Variants in SI observed in about 807,000 individuals in gnomAD.
The protein encoded by SI is sucrase-isomaltase, also known as sucrase-isomaltase, intestinal.
In SI, 235 loss-of-function variants were observed where a neutral mutation model predicts 253.3. The observed-to-expected ratio is 0.93, with a 90% CI of 0.83 to 1.03. SI has a LOEUF of 1.03. Ranked by LOEUF, SI falls within the 50% of genes least tolerant of loss-of-function variation. The pLI, the probability that SI is intolerant of heterozygous loss-of-function variation, is 0.00. For missense variants in SI, 2,442 were observed against 2,211.1 expected, an observed-to-expected ratio of 1.10 and a Z score of -2.09; for synonymous variants, 819 against 712.0, an observed-to-expected ratio of 1.15 and a Z score of -2.39.
chr3:165,069,085 T>C lies in SI; in HGVS notation c.366A>G (p.Thr122=). The stretch of plus-strand genomic sequence containing the variant: ...TAACAGAGGACTTCTTACCAATACT[T>C]GTTGTTGTCATGTCTTGAACGTTAT... ...HGYNVQDMTT[T]SIGVEAKLNR... The change falls in exon 4 of 48, where the codon ACA becomes ACG. Residue 122 remains threonine (T), a synonymous_variant. Coordinates refer to ENST00000264382, the MANE Select transcript of SI (RefSeq NM_001041.4). 6.2e-7 allele frequency: 1 copy of C among 1,601,582 alleles called. No individual in the cohort carries two copies.
chr3:165,067,498 A>C lies in SI; in HGVS notation c.484-7T>G. ...TATTATTTGGATCAGTAATCTGGAA[A>C]GATTTAAGCAAGGTAGCATTACTGG... On this transcript the variant is annotated splice_region_variant and splice_polypyrimidine_tract_variant and intron_variant, in intron 5 of 47. Transcript: ENST00000264382. 6.2e-7 allele frequency: 1 copy of C among 1,603,466 alleles called. No homozygotes were observed. The highest frequency in any genetic ancestry group is 8.5e-7 in the Non-Finnish European group (1 of 1,170,856).
At chr3:165,062,510 A>G in intron 8 of SI, 27 bp from the exon 9 acceptor site, 1 of 1,128,822 alleles carries the variant, frequency 8.9e-7, no homozygotes, top group Non-Finnish European at 1.4e-6. Context: ...GTAAACTTAT[A>G]TGTAAATAGT....
chr3:165,032,069 A>G (rs1712274592), intron 24 of SI, among the ~76,000 whole-genome samples: 1 of 151,298 alleles, frequency 6.6e-6, no homozygotes, highest in Non-Finnish European at 1.5e-5. Flanking sequence ...AGAAAAGTAC[A>G]AGATATATTT....
In SI at chr3:164,987,121, C is replaced by G. The variant is rs368901823; in HGVS notation, c.5197+17G>C. The G allele has an allele frequency of 1.3e-6, 2 of 1,581,322 alleles. No homozygotes were observed. The highest frequency in any genetic ancestry group is 4.5e-5 in the East Asian group (2 of 44,614). On this transcript the variant is annotated intron_variant, in intron 45 of 47. Coordinates refer to ENST00000264382, the MANE Select transcript of SI (RefSeq NM_001041.4). ...ATACGACATCAATTAAATTTATCTACTAAATCGAGCACTCACCTATACTCT... is the reference window on the plus strand; with the variant it reads ...ATACGACATCAATTAAATTTATCTAGTAAATCGAGCACTCACCTATACTCT...
At chr3:165,010,587 C>T (rs1042809201) in intron 34 of SI, among the ~76,000 whole-genome samples, 1 of 152,100 alleles carries the variant, frequency 6.6e-6, no homozygotes, top group Non-Finnish European at 1.5e-5. Context: ...AAGGATCTCC[C>T]GTATGATAAT....
chr3:165,068,648 C>G (rs796817872), intron 5 of SI, 74 bp downstream of exon 5: 6 of 1,039,544 alleles, frequency 5.8e-6, no homozygotes, highest in South Asian at 3.8e-5. Flanking sequence ...GCTGGTATTA[C>G]AGGCGTGAGC....
At chr3:165,050,575 C>T (rs995218703) in intron 13 of SI, among the ~76,000 whole-genome samples, 1 of 151,998 alleles carries the variant, frequency 6.6e-6, no homozygotes, top group South Asian at 2.1e-4. Flanking sequence ...AGTCTTTGCA[C>T]TAAAAAAGAT....
intron 28 of SI, 85 bp from the exon 29 acceptor site, chr3:165,018,151 A>C: frequency 2.4e-6 from 2 of 816,540 alleles, no homozygotes; most frequent in Admixed American, 3.8e-5. Flanking sequence ...TTTATTATAC[A>C]ATCGAGACTT....
chr3:165,037,409 A>G (rs1042916314), intron 21 of SI, among the ~76,000 whole-genome samples: 2 of 151,860 alleles, frequency 1.3e-5, no homozygotes, highest in African/African-American at 4.8e-5. Flanking sequence ...TTATTTTTAG[A>G]AAATATTTCT....
upstream of SI, among the ~76,000 whole-genome samples, chr3:165,080,031 T>A (rs557250640): frequency 6.6e-6 from 1 of 152,132 alleles, no homozygotes; most frequent in African/African-American, 2.4e-5. Flanking sequence ...TATACCAATT[T>A]GTATAACAGC....
At chr3:165,008,021 AG>A (rs1453493526) in intron 35 of SI, 23 bp from the exon 36 acceptor site, 2 of 1,250,816 alleles carry the variant, frequency 1.6e-6, no homozygotes, top group Non-Finnish European at 2.3e-6. Context: ...TGAAAGAAAA[AG>A]GTAAACAAAA....
intron 36 of SI, 97 bp from the exon 37 acceptor site, chr3:165,007,051 T>C (rs1718546593): frequency 1.1e-6 from 1 of 916,652 alleles, no homozygotes; most frequent in South Asian, 1.6e-5. Flanking sequence ...AAGAAATTAA[T>C]CAGTGTTTTA....
intron 45 of SI, 66 bp downstream of exon 45, chr3:164,987,072 A>G (rs899863230): frequency 1.9e-5 from 23 of 1,213,584 alleles, no homozygotes; most frequent in Non-Finnish European, 2.6e-5. Flanking sequence ...ACAATAATAG[A>G]TAACGTAAAA....
intron 41 of SI, 35 bp from the exon 42 acceptor site, chr3:164,992,432 C>G: frequency 7.3e-7 from 1 of 1,368,186 alleles, no homozygotes; most frequent in Non-Finnish European, 1.0e-6. Flanking sequence ...TAAATTAAAA[C>G]AAATAACTTT....
chr3:165,046,827 T>G lies in SI; in HGVS notation c.1887+14A>C. On this transcript the variant is annotated intron_variant, in intron 16 of 47. Coordinates refer to ENST00000264382, the MANE Select transcript of SI (RefSeq NM_001041.4). The stretch of plus-strand genomic sequence containing the variant: ...TGTAGCTTTTATGAGTAACACTCTA[T>G]GAAACTGTCTTACCAAAGGTATTCC... The G allele has an allele frequency of 6.2e-7, 1 of 1,601,924 alleles. No homozygotes were observed. Among genetic ancestry groups the G allele is most frequent in the South Asian group, 1.1e-5 (1 of 90,700 alleles).
chr3:165,067,638 A>G (rs1430239310), intron 5 of SI, 147 bp from the exon 6 acceptor site: 5 of 666,786 alleles, frequency 7.5e-6, no homozygotes, highest in African/African-American at 1.8e-5. Flanking sequence ...CTTAATTTTA[A>G]TATTTTTGAA....
chr3:165,045,848 A>AT (rs74590097), intron 16 of SI, among the ~76,000 whole-genome samples: 8,904 of 120,548 alleles, frequency 0.074, 437 homozygotes, highest in South Asian at 0.11. Flanking sequence ...ATGTTTTTCA[A>AT]TTTTTTTTTT....
rs1199409025 is a variant in SI, at chr3:165,016,060, A to G, written c.3780T>C (p.Ile1260=). The G allele has an allele frequency of 6.2e-7, 1 of 1,612,978 alleles. No individual in the cohort carries two copies. The highest frequency in any genetic ancestry group is 1.3e-5 in the African/African-American group (1 of 74,860). The change falls in exon 32 of 48, where the codon ATT becomes ATC. Residue 1260 remains isoleucine, a synonymous_variant. Transcript: ENST00000264382. Reference sequence around the variant, plus strand: ...AGTCTAGCTGCCTTTCCATGTAGTCAATGTCTGTGTACTGAACATCCTGAA... The same window carrying G: ...AGTCTAGCTGCCTTTCCATGTAGTCGATGTCTGTGTACTGAACATCCTGAA... ...NIPYDVQYTD[I]DYMERQLDFT... is the part of the protein sequence containing the mutation.
At chr3:165,051,845 A>G (rs1713450347) in intron 13 of SI, among the ~76,000 whole-genome samples, 1 of 151,972 alleles carries the variant, frequency 6.6e-6, no homozygotes, top group Admixed American at 6.6e-5. Flanking sequence ...TTTTTAGAAA[A>G]TAATTAATTG....
Sources: gnomAD v4.1 joint callset for allele counts (sites outside exome capture counted in the v4.1 genomes callset) on GRCh38, gnomAD v4.1.1 for gene constraint, MANE v1.5 for transcripts, NCBI Gene and HGNC (gene_info 2026-07-23, HGNC 2026-07-21) for gene names.